The following GAB1 variants were observed in gnomAD, a reference collection of about 807,000 sequenced individuals.
GAB1 encodes GRB2 associated binding protein 1.
GAB1 carries 19 observed loss-of-function variants against 66.5 expected under a neutral mutation model. The observed-to-expected ratio is 0.29, with a 90% CI of 0.20 to 0.42. The LOEUF (loss-of-function observed/expected upper bound fraction) is 0.42, where lower values mean the gene tolerates loss of function less well. Among genes scored for constraint, GAB1 ranks in the 10% least tolerant of loss-of-function variants. The probability of loss-of-function intolerance (pLI) is 1.00; values close to 1 mark genes in which losing one functional copy is unlikely to be tolerated. For synonymous variants in GAB1, 294 were observed against 301.4 expected, an observed-to-expected ratio of 0.98 and a Z score of 0.25; for missense variants, 732 against 858.5, an observed-to-expected ratio of 0.85 and a Z score of 1.84.
chr4:143,438,322 G>C lies in GAB1; in HGVS notation c.917G>C (p.Ser306Thr), dbSNP rs1468308201. ...ACTCAAATGAGGCATGTATCTATTA[G>C]TTATGACATTCCTCCAACACCTGGT... is the stretch of plus-strand genomic sequence containing the variant. Reference protein sequence around the residue: ...VETQMRHVSISYDIPPTPGNT... With the variant: ...VETQMRHVSITYDIPPTPGNT... Residue 306 changes from serine (S) to threonine (T), a missense_variant, in exon 4 of 10, where the codon AGT (serine) becomes ACT (threonine). Physicochemically the swap from Ser to Thr is moderately conservative, Grantham distance 58 (BLOSUM62 1). Coordinates refer to ENST00000262994, the MANE Select transcript of GAB1 (RefSeq NM_002039.4). The C allele has an allele frequency of 6.2e-7, 1 of 1,613,942 alleles. No individual in the cohort carries two copies. Among genetic ancestry groups the C allele is most frequent in the Non-Finnish European group, 8.5e-7 (1 of 1,179,890 alleles).
Position 143,460,486 on chromosome 4 carries a change from C to T in GAB1, c.1802C>T (p.Pro601Leu), listed in dbSNP as rs940657186. 1 of 1,613,326 alleles carries T rather than the reference C, an allele frequency of 6.2e-7. No homozygotes were observed. The highest frequency in any genetic ancestry group is 8.5e-7 in the Non-Finnish European group (1 of 1,179,562). ...PMNPNLSSED[P>L]NLFGSNSLDG... ...AACCCAAACCTGTCCAGTGAAGACC[C>T]AGTATGTAAAGTTTTAACTTTTCCC... The change falls in exon 8 of 10, where the codon CCA becomes CTA. Residue 601 changes from proline (P) to leucine (L), a missense_variant and splice_region_variant. Physicochemically the swap from Pro to Leu is moderately conservative, Grantham distance 98. This residue lies in a region of GAB1 where 204 missense variants were observed against 276.8 expected (regional missense o/e 0.74). Transcript: ENST00000262994.
chr4:143,431,908 T>G (rs1175715310), intron 2 of GAB1, among the ~76,000 whole-genome samples: 1 of 152,110 alleles, frequency 6.6e-6, no homozygotes, highest in African/African-American at 2.4e-5. Context: ...GCAGTTTTCC[T>G]TATCATTCTT....
chr4:143,345,641 A>G (rs1728962559), intron 1 of GAB1, among the ~76,000 whole-genome samples: 1 of 152,228 alleles, frequency 6.6e-6, no homozygotes, highest in African/African-American at 2.4e-5. Context: ...CTTCCATTTT[A>G]CATTTCAAGA....
chr4:143,407,667 T>G (rs1732124869), intron 1 of GAB1, among the ~76,000 whole-genome samples: 1 of 152,156 alleles, frequency 6.6e-6, no homozygotes, highest in Admixed American at 6.5e-5. Flanking sequence ...TAGGCTTCTG[T>G]GTGTTTGGAA....
intron 1 of GAB1, among the ~76,000 whole-genome samples, chr4:143,350,678 CAAAA>C (rs34098103): frequency 4.5e-5 from 4 of 88,514 alleles, no homozygotes; most frequent in East Asian, 3.1e-4. Flanking sequence ...AACTCCGTCT[CAAAA>C]AAAAAAAAAA....
At chr4:143,351,810 C>G (rs1020080632) in intron 1 of GAB1, among the ~76,000 whole-genome samples, 31 of 152,316 alleles carry the variant, frequency 2.0e-4, no homozygotes, top group African/African-American at 7.2e-4. Flanking sequence ...ACTAAACACT[C>G]TATTGCACAG....
intron 1 of GAB1, among the ~76,000 whole-genome samples, chr4:143,408,992 A>G (rs1307768685): frequency 6.6e-6 from 1 of 152,206 alleles, no homozygotes; most frequent in Admixed American, 6.5e-5. Flanking sequence ...TGGACAAGGT[A>G]TACTTTGTTA....
In GAB1 at chr4:143,469,021, T is replaced by C. The variant is rs1297191566; in HGVS notation, c.1927-10T>C. On this transcript the variant is annotated splice_polypyrimidine_tract_variant and intron_variant, in intron 9 of 9. Transcript: ENST00000262994. ...TATGTTGGACTTTTTGTTTTTTCTT[T>C]GTGTTTTAGCAAAAGAGCAGTGGCT... is the stretch of plus-strand genomic sequence containing the variant. 1.2e-6 allele frequency: 2 copies of C among 1,612,474 alleles called. No homozygotes were observed. The highest frequency in any genetic ancestry group is 1.3e-5 in the African/African-American group (1 of 74,762).
At chr4:143,379,333 T>A (rs1457062139) in intron 1 of GAB1, among the ~76,000 whole-genome samples, 1 of 152,202 alleles carries the variant, frequency 6.6e-6, no homozygotes, top group Non-Finnish European at 1.5e-5. Context: ...CAGAGAAATC[T>A]TAAGCCGGAT....
At chr4:143,371,168 G>T (rs1323358455) in intron 1 of GAB1, among the ~76,000 whole-genome samples, 3 of 152,026 alleles carry the variant, frequency 2.0e-5, no homozygotes, top group South Asian at 4.2e-4. Flanking sequence ...CCCACCAACA[G>T]TGGAAAAGTG....
Position 143,471,575 on chromosome 4 carries a change from A to G in GAB1, c.*2386A>G, listed in dbSNP as rs995184850. On this transcript the variant is annotated 3_prime_UTR_variant, in exon 10 of 10. Transcript: ENST00000262994. ...TAATAAGATTCTGAGTTATTTCTGA[A>G]TAACACAAATGTGGAGTTATACATA... is the stretch of plus-strand genomic sequence containing the variant. 6.6e-6 allele frequency: 1 copy of G among 152,182 alleles called. No homozygotes were observed. 9.4% of individuals were successfully genotyped at this position (152,182 alleles called of 1,614,324 possible).
rs549809566 is a variant in GAB1, at chr4:143,388,068, C to T, written c.73-27409C>T. 1.7e-4 allele frequency among the ~76,000 whole-genome samples: 26 copies of T among 152,238 alleles called. 2 individuals are homozygous for T. In the South Asian group the frequency reaches 5.2e-3, roughly 30 times the overall value. On this transcript the variant is annotated intron_variant, in intron 1 of 9. Coordinates refer to ENST00000262994, the MANE Select transcript of GAB1 (RefSeq NM_002039.4). The stretch of plus-strand genomic sequence containing the variant: ...TGGCATCTCTCTACATCTGTATTTC[C>T]CTCTCCAGCCCCTACCCCCTTCCCT...
chr4:143,390,560 G>A (rs1451516711), intron 1 of GAB1, among the ~76,000 whole-genome samples: 1 of 151,798 alleles, frequency 6.6e-6, no homozygotes, highest in Admixed American at 6.6e-5. Flanking sequence ...CTGGAAACTG[G>A]GAATAGTAAC....
rs1162922136 is a variant in GAB1 at position 143,470,246 on chromosome 4, T to C, written c.*1057T>C. On this transcript the variant is annotated 3_prime_UTR_variant, in exon 10 of 10. Transcript: ENST00000262994. ...TTCTATGATTTTTTTTACTTAATATTCTTCTTGGCCTTATATTTAATTCCC... is the reference window on the plus strand; with the variant it reads ...TTCTATGATTTTTTTTACTTAATATCCTTCTTGGCCTTATATTTAATTCCC... 1.3e-5 allele frequency: 2 copies of C among 152,178 alleles called. No individual in the cohort carries two copies. The highest frequency in any genetic ancestry group is 4.8e-5 in the African/African-American group (2 of 41,446). 9.4% of individuals were successfully genotyped at this position (152,178 alleles called of 1,614,324 possible).
chr4:143,458,786 C>CT (rs893970620), intron 6 of GAB1, among the ~76,000 whole-genome samples: 6 of 151,742 alleles, frequency 4.0e-5, no homozygotes, highest in Non-Finnish European at 8.8e-5. Context: ...TAATTATGGC[C>CT]TTTTTTCAGA....
rs372389422 is a variant in GAB1, at chr4:143,428,467, C to T, written c.368-5024C>T. 1.4e-4 allele frequency among the ~76,000 whole-genome samples: 22 copies of T among 152,204 alleles called. 1 individual carries two copies. Among genetic ancestry groups the T allele is most frequent in the East Asian group, 1.4e-3 (7 of 5,172 alleles). The stretch of plus-strand genomic sequence containing the variant: ...CATGGGACCTGGCTTTGGTTAGCTC[C>T]CTTGGTCTTACTTTTCCAAAAAGGA... On this transcript the variant is annotated intron_variant, in intron 2 of 9. Transcript: ENST00000262994.
chr4:143,451,913 C>G (rs943356975), intron 6 of GAB1, among the ~76,000 whole-genome samples: 1 of 151,344 alleles, frequency 6.6e-6, no homozygotes, highest in Non-Finnish European at 1.5e-5. Flanking sequence ...AAAAAAAAAT[C>G]AGACAAACAA....
Position 143,411,385 on chromosome 4 carries a change from CCTT to C in GAB1, c.73-4089_73-4087del, listed in dbSNP as rs755856928. Among the ~76,000 whole-genome samples, 4 of 152,134 alleles carry C rather than the reference CCTT, an allele frequency of 2.6e-5. No homozygotes were observed. In the East Asian group the frequency reaches 7.7e-4, roughly 29 times the overall value. On this transcript the variant is annotated intron_variant, in intron 1 of 9. Coordinates refer to ENST00000262994, the MANE Select transcript of GAB1 (RefSeq NM_002039.4). The stretch of plus-strand genomic sequence containing the variant: ...GCTACAAAATAAGTTTTTACATAGT[CCTT>C]CTCAACTATGCAGACATCTTGCAAA...
At chr4:143,436,602 G>A (rs1013231348) in intron 3 of GAB1, among the ~76,000 whole-genome samples, 17 of 152,050 alleles carry the variant, frequency 1.1e-4, no homozygotes, top group Non-Finnish European at 2.9e-5. Context: ...ATAAGTACGC[G>A]GCTAAGAAGA....
Sources: gnomAD v4.1 joint callset for allele counts (sites outside exome capture counted in the v4.1 genomes callset) on GRCh38, gnomAD v4.1.1 for gene constraint, gnomAD v4.1.1 regional missense constraint, MANE v1.5 for transcripts, NCBI Gene and HGNC (gene_info 2026-07-23, HGNC 2026-07-21) for gene names.